EPHB1: variants seen among roughly 807,000 people sequenced by gnomAD.
EPHB1 encodes the protein ephrin type-B receptor 1.
In EPHB1, 30 loss-of-function variants were observed where a neutral mutation model predicts 94.4. That is an observed-to-expected ratio of 0.32 (90% CI 0.24 to 0.43). EPHB1 has a LOEUF of 0.43. Ranked by LOEUF, EPHB1 falls within the 20% of genes least tolerant of loss-of-function variation. The pLI, the probability that EPHB1 is intolerant of heterozygous loss-of-function variation, is 1.00. For missense variants in EPHB1, 1,055 were observed against 1,308.3 expected, an observed-to-expected ratio of 0.81 and a Z score of 2.99; for synonymous variants, 522 against 489.1, an observed-to-expected ratio of 1.07 and a Z score of -0.89.
intron 1 of EPHB1, among the ~76,000 whole-genome samples, chr3:134,873,735 G>A (rs2037551128): frequency 6.6e-6 from 1 of 152,220 alleles, no homozygotes; most frequent in African/African-American, 2.4e-5. Flanking sequence ...GGGGTCAGAT[G>A]GCATGTCCTG....
chr3:135,047,355 T>G (rs2107769093), intron 3 of EPHB1, among the ~76,000 whole-genome samples: 1 of 152,332 alleles, frequency 6.6e-6, no homozygotes, highest in Non-Finnish European at 1.5e-5. Context: ...AATCAGTACC[T>G]TGGCAGACAG....
At chr3:135,251,337 G>A (rs1933086824) in intron 15 of EPHB1, among the ~76,000 whole-genome samples, 1 of 152,132 alleles carries the variant, frequency 6.6e-6, no homozygotes, top group Non-Finnish European at 1.5e-5. Flanking sequence ...TGAGTTCAGG[G>A]ATAGAAATGG....
Position 135,259,088 on chromosome 3 carries a change from C to G in EPHB1, c.2923C>G (p.Gln975Glu). The G allele has an allele frequency of 6.2e-7, 1 of 1,609,986 alleles. No individual in the cohort carries two copies. Among genetic ancestry groups the G allele is most frequent in the Non-Finnish European group, 8.5e-7 (1 of 1,178,306 alleles). The part of the protein sequence containing the change: ...ILNSIHSMRV[Q>E]ISQSPTAMA ...GAACAGCATTCATTCTATGAGGGTC[C>G]AGATAAGTCAGTCACCAACGGCAAT... The change falls in exon 16 of 16, where the codon CAG becomes GAG. Residue 975 changes from glutamine (Q) to glutamate (E), a missense_variant. Physicochemically the swap from Gln to Glu is conservative, Grantham distance 29. Coordinates refer to ENST00000398015, the MANE Select transcript of EPHB1 (RefSeq NM_004441.5).
At chr3:134,869,544 G>T (rs1560274089) in intron 1 of EPHB1, among the ~76,000 whole-genome samples, 1 of 152,304 alleles carries the variant, frequency 6.6e-6, no homozygotes, top group Admixed American at 6.5e-5. Context: ...GGGATGTGAT[G>T]CCCTGGTTGG....
chr3:134,820,270 A>T (rs1033042224), intron 1 of EPHB1, among the ~76,000 whole-genome samples: 1 of 152,216 alleles, frequency 6.6e-6, no homozygotes, highest in Admixed American at 6.5e-5. Context: ...CATGTCTGGG[A>T]AAAGCAGGTT....
At position 134,811,253 on chromosome 3, in the gene EPHB1, T is replaced by TG. The variant is rs1560243659; in HGVS notation, c.58+15564_58+15565insG. Among the ~76,000 whole-genome samples the TG allele has an allele frequency of 6.3e-4, 68 of 107,128 alleles. 2 individuals are homozygous for TG. The East Asian group carries it at 9.4e-3, about 15-fold the overall frequency. 70.3% of individuals were successfully genotyped at this position (107,128 alleles called of 152,430 possible). On this transcript the variant is annotated intron_variant, in intron 1 of 15. Coordinates refer to ENST00000398015, the MANE Select transcript of EPHB1 (RefSeq NM_004441.5). ...CCCCTACTAAGAAGGTTTTTTTTTT[T>TG]TTTTTTTTTTCTGTCTTGCTCTGTC...
At chr3:134,941,752 G>GACACACACACAGAC (rs2039120867) in intron 2 of EPHB1, among the ~76,000 whole-genome samples, 2 of 134,702 alleles carry the variant, frequency 1.5e-5, no homozygotes, top group Non-Finnish European at 3.2e-5. Flanking sequence ...TATGCACACA[G>GACACACACACAGAC]ACACACACAC....
chr3:135,257,530 G>A (rs1382887227), intron 15 of EPHB1, among the ~76,000 whole-genome samples: 1 of 152,134 alleles, frequency 6.6e-6, no homozygotes, highest in Non-Finnish European at 1.5e-5. Flanking sequence ...AGGTTGCTGG[G>A]GGGGTCAGGG....
intron 1 of EPHB1, among the ~76,000 whole-genome samples, chr3:134,906,753 T>C (rs1414024557): frequency 6.6e-6 from 1 of 152,230 alleles, no homozygotes; most frequent in Non-Finnish European, 1.5e-5. Flanking sequence ...TGGTCAGTGG[T>C]AAACCAAGGC....
At chr3:135,200,053 T>G (rs1942715536) in intron 11 of EPHB1, among the ~76,000 whole-genome samples, 1 of 152,110 alleles carries the variant, frequency 6.6e-6, no homozygotes. Context: ...AGACCCCAGG[T>G]GTCCTGCTTC....
At chr3:135,096,271 G>A (rs1938756451) in intron 3 of EPHB1, among the ~76,000 whole-genome samples, 1 of 152,220 alleles carries the variant, frequency 6.6e-6, no homozygotes, top group Non-Finnish European at 1.5e-5. Flanking sequence ...ATGGGGGGCT[G>A]AGGGTCAAAG....
At chr3:134,809,545 C>G (rs186065160) in intron 1 of EPHB1, among the ~76,000 whole-genome samples, 1 of 152,154 alleles carries the variant, frequency 6.6e-6, no homozygotes, top group Non-Finnish European at 1.5e-5. Flanking sequence ...TTTGGCAATT[C>G]ATTTGCATTT....
At chr3:134,795,861 AC>A (rs1287169721) in intron 1 of EPHB1, among the ~76,000 whole-genome samples, 172 bp downstream of exon 1, 1 of 152,128 alleles carries the variant, frequency 6.6e-6, no homozygotes, top group Non-Finnish European at 1.5e-5. Context: ...CTTGGGCGGC[AC>A]CCACCAGAGC....
At position 135,010,585 on chromosome 3, in the gene EPHB1, C is replaced by T. The variant is rs1935587987; in HGVS notation, c.805+58533C>T. ...TTTTTTTTTTTTTTTTTTTTTTACGCAGAGTTTCACTCTTGTTGCCCAGGC... is the reference window on the plus strand; with the variant it reads ...TTTTTTTTTTTTTTTTTTTTTTACGTAGAGTTTCACTCTTGTTGCCCAGGC... On this transcript the variant is annotated intron_variant, in intron 3 of 15. Transcript: ENST00000398015. 3.2e-5 allele frequency among the ~76,000 whole-genome samples: 4 copies of T among 123,208 alleles called. No individual in the cohort carries two copies. In the Admixed American group the frequency reaches 3.7e-4, roughly 11 times the overall value. The allele number at this position is 123,208 out of a possible 152,430, so 80.8% of individuals were successfully genotyped here.
At chr3:135,021,506 C>G (rs1394947881) in intron 3 of EPHB1, among the ~76,000 whole-genome samples, 8 of 151,676 alleles carry the variant, frequency 5.3e-5, no homozygotes, top group African/African-American at 1.2e-4. Flanking sequence ...TCTCTCCCCC[C>G]ACCCCCCACC....
chr3:135,243,105 G>T (rs1255257641), intron 13 of EPHB1, among the ~76,000 whole-genome samples: 1 of 141,902 alleles, frequency 7.0e-6, no homozygotes. Flanking sequence ...GAAAAGAAAA[G>T]AAAAGAAAAA....
rs557423419 is a variant in EPHB1 at position 134,988,195 on chromosome 3, A to T, written c.805+36143A>T. ...CTGAGCCAGTAGCTCTGTCCTTCTG[A>T]GCCACTGTACAAGACTCTGTTGTGG... On this transcript the variant is annotated intron_variant, in intron 3 of 15. Transcript: ENST00000398015. 2.0e-5 allele frequency among the ~76,000 whole-genome samples: 3 copies of T among 152,316 alleles called. No homozygotes were observed. In the South Asian group the frequency reaches 6.2e-4, roughly 32 times the overall value.
chr3:134,837,833 G>A lies in EPHB1; in HGVS notation c.58+42144G>A, dbSNP rs1278937440. ...CAAGGAAAATTTAAAAAGAAGGTGA[G>A]GAGAATGAGTGGCCTCATTCATGCA... On this transcript the variant is annotated intron_variant, in intron 1 of 15. Coordinates refer to ENST00000398015, the MANE Select transcript of EPHB1 (RefSeq NM_004441.5). Among the ~76,000 whole-genome samples the A allele has an allele frequency of 2.0e-5, 3 of 152,162 alleles. No individual in the cohort carries two copies. The East Asian group carries it at 5.8e-4, about 29-fold the overall frequency.
chr3:135,086,395 C>T (rs912968120), intron 3 of EPHB1, among the ~76,000 whole-genome samples: 12 of 151,738 alleles, frequency 7.9e-5, no homozygotes, highest in Admixed American at 4.6e-4. Context: ...AGACTCAGTT[C>T]GACATCGTGC....
Sources: allele counts gnomAD v4.1 joint callset (sites outside exome capture counted in the v4.1 genomes callset), GRCh38; gene constraint gnomAD v4.1.1; transcripts MANE v1.5; gene names NCBI Gene and HGNC (gene_info 2026-07-23, HGNC 2026-07-21).